ARFGAP3: variants seen among roughly 807,000 people sequenced by gnomAD.
ARFGAP3 encodes ADP-ribosylation factor GTPase-activating protein 3.
Under a neutral mutation model 75.0 loss-of-function variants are expected in ARFGAP3, and 72 were observed. The ratio of observed to expected loss-of-function variants is 0.96; its 90% CI spans 0.79 to 1.17. ARFGAP3 has a LOEUF of 1.17. Among genes scored for constraint, ARFGAP3 ranks in the 50% most tolerant of loss-of-function variants. The probability of loss-of-function intolerance (pLI) is 0.00; values close to 1 mark genes in which losing one functional copy is unlikely to be tolerated. For synonymous variants in ARFGAP3, 221 were observed against 217.9 expected (o/e 1.01, Z -0.13); for missense variants, 620 against 626.6 (o/e 0.99, Z 0.11).
chr22:42,822,334 G>C lies in ARFGAP3; in HGVS notation c.748C>G (p.Gln250Glu). 6.2e-7 allele frequency: 1 copy of C among 1,614,082 alleles called. No homozygotes were observed. Among genetic ancestry groups the C allele is most frequent in the Non-Finnish European group, 8.5e-7 (1 of 1,180,022 alleles). The part of the protein sequence containing the change: ...TCFNEIEKQA[Q>E]AADKMKEQED... The stretch of plus-strand genomic sequence containing the variant: ...TGCTCCTTCATTTTATCCGCAGCTT[G>C]AGCTTGTTTTTCAATTTCATTAAAG... Residue 250 changes from glutamine (Q) to glutamate (E), a missense_variant, in exon 9 of 16, where the codon CAA (glutamine) becomes GAA (glutamate). Transcript: ENST00000263245.
At chr22:42,829,402 G>A (rs1018975917) in intron 6 of ARFGAP3, among the ~76,000 whole-genome samples, 1 of 152,170 alleles carries the variant, frequency 6.6e-6, no homozygotes, top group Non-Finnish European at 1.5e-5. Context: ...AAAACAAAAA[G>A]CAAACACAGG....
At chr22:42,842,100 G>T (rs1045095005) in intron 2 of ARFGAP3, among the ~76,000 whole-genome samples, 1 of 147,460 alleles carries the variant, frequency 6.8e-6, no homozygotes, top group Non-Finnish European at 1.5e-5. Context: ...TGCCTCCTGG[G>T]TTCAAGTGAT....
At chr22:42,856,329 C>A (rs5758991) in intron 1 of ARFGAP3, among the ~76,000 whole-genome samples, 145,320 of 152,244 alleles carry the variant, frequency 0.95, 69,421 homozygotes, top group Middle Eastern at 1. Context: ...AACCAGACAA[C>A]ACTCGTGTCA....
intron 10 of ARFGAP3, 144 bp downstream of exon 10, chr22:42,817,585 C>T (rs1925633803): frequency 2.4e-6 from 2 of 817,964 alleles, no homozygotes; most frequent in Non-Finnish European, 3.8e-6. Flanking sequence ...ATACTGAATA[C>T]CAGAGCAAAG....
At chr22:42,811,122 T>G (rs1905207521) in intron 11 of ARFGAP3, 178 bp from the exon 12 acceptor site, 1 of 562,942 alleles carries the variant, frequency 1.8e-6, no homozygotes, top group Non-Finnish European at 2.3e-6. Flanking sequence ...GCCTTTCAAG[T>G]ACCTGTGTTC....
chr22:42,809,589 T>C (rs1925272319), intron 12 of ARFGAP3, among the ~76,000 whole-genome samples: 1 of 151,656 alleles, frequency 6.6e-6, no homozygotes, highest in Non-Finnish European at 1.5e-5. Context: ...GGGGAAAATT[T>C]GGGGGTGATG....
In ARFGAP3 at chr22:42,822,253, A is replaced by G; in HGVS notation, c.812+17T>C. On this transcript the variant is annotated intron_variant, in intron 9 of 15. Transcript: ENST00000263245. ...TTATTCCCTGAAAATGTATTAATAT[A>G]ATGAAATTAAACTTACATTGATTCT... The G allele has an allele frequency of 6.3e-7, 1 of 1,597,944 alleles. No homozygotes were observed. Among genetic ancestry groups the G allele is most frequent in the Non-Finnish European group, 8.6e-7 (1 of 1,169,520 alleles).
chr22:42,856,523 T>C (rs1927508340), intron 1 of ARFGAP3, among the ~76,000 whole-genome samples: 2 of 151,246 alleles, frequency 1.3e-5, no homozygotes, highest in African/African-American at 2.4e-5. Context: ...GAAACCTCCA[T>C]CTCCAAAGAG....
intron 1 of ARFGAP3, among the ~76,000 whole-genome samples, chr22:42,850,115 A>C (rs1483596279): frequency 6.6e-6 from 1 of 152,208 alleles, no homozygotes; most frequent in Non-Finnish European, 1.5e-5. Context: ...TTTAAAATAC[A>C]CAGTGCTAAC....
At chr22:42,847,664 T>G (rs1203948675) in intron 1 of ARFGAP3, 32 bp from the exon 2 acceptor site, 1 of 1,605,384 alleles carries the variant, frequency 6.2e-7, no homozygotes, top group Non-Finnish European at 8.5e-7. Context: ...AGTTACTAAT[T>G]TATGTTAGCC....
chr22:42,824,674 T>A (rs1925962646), intron 7 of ARFGAP3, among the ~76,000 whole-genome samples: 1 of 152,118 alleles, frequency 6.6e-6, no homozygotes, highest in Non-Finnish European at 1.5e-5. Context: ...CCAAAAACTT[T>A]AAAAATCATT....
chr22:42,829,208 G>A (rs904004034), intron 6 of ARFGAP3, among the ~76,000 whole-genome samples: 2 of 152,212 alleles, frequency 1.3e-5, no homozygotes, highest in East Asian at 1.9e-4. Flanking sequence ...CTCAGCAGAG[G>A]GGACACACAG....
chr22:42,822,190 A>T, intron 9 of ARFGAP3, 80 bp downstream of exon 9: 6 of 1,154,274 alleles, frequency 5.2e-6, no homozygotes, highest in Non-Finnish European at 6.3e-6. Context: ...ACACAAAAAT[A>T]CATGGCATTT....
Position 42,817,261 on chromosome 22 carries a change from A to G in ARFGAP3, c.945T>C (p.Val315=), listed in dbSNP as rs1363779460. The G allele has an allele frequency of 1.2e-6, 2 of 1,603,822 alleles. No individual in the cohort carries two copies. The highest frequency in any genetic ancestry group is 1.7e-5 in the Admixed American group (1 of 58,368). The change falls in exon 11 of 16, where the codon GTT becomes GTC. Residue 315 remains valine (V), a synonymous_variant. Coordinates refer to ENST00000263245, the MANE Select transcript of ARFGAP3 (RefSeq NM_014570.5). The part of the protein sequence containing the change: ...LGMGFGNCRS[V]ISHSVTSDMQ... ...TATCTGAAGTCACTGAATGTGAAAT[A>G]ACACTTGAGAAAACAGAAAAATATA...
At chr22:42,839,560 T>C (rs938594086) in intron 3 of ARFGAP3, among the ~76,000 whole-genome samples, 43 of 145,244 alleles carry the variant, frequency 3.0e-4, no homozygotes, top group African/African-American at 1.1e-3. Context: ...ATGGCGCCAC[T>C]GCACTCCAGC....
chr22:42,804,376 A>AT (rs1169858932), intron 14 of ARFGAP3, among the ~76,000 whole-genome samples: 25,466 of 74,540 alleles, frequency 0.34, 5,381 homozygotes, highest in Non-Finnish European at 0.41. Flanking sequence ...CACCCAGCTA[A>AT]TTTTTTTTTT....
At chr22:42,853,728 T>C (rs768318112) in intron 1 of ARFGAP3, 1 of 159,756 alleles carries the variant, frequency 6.3e-6, no homozygotes, top group Non-Finnish European at 1.4e-5. Context: ...TATGCGGTAA[T>C]ACACAAGGGC....
intron 11 of ARFGAP3, among the ~76,000 whole-genome samples, chr22:42,812,224 CA>C (rs3046479): frequency 0.042 from 2,378 of 56,468 alleles, 33 homozygotes; most frequent in African/African-American, 0.14. Context: ...GATACTGTCT[CA>C]AAAAAAAAAA....
intron 1 of ARFGAP3, among the ~76,000 whole-genome samples, chr22:42,855,845 C>T (rs9611939): frequency 0.051 from 7,715 of 150,366 alleles, 327 homozygotes; most frequent in African/African-American, 0.12. Flanking sequence ...CATAGCAAGA[C>T]CCTGTCTCTA....
Sources: allele counts gnomAD v4.1 joint callset (sites outside exome capture counted in the v4.1 genomes callset), GRCh38; gene constraint gnomAD v4.1.1; transcripts MANE v1.5; gene names NCBI Gene and HGNC (gene_info 2026-07-23, HGNC 2026-07-21).